Variants in PDSS2 observed in about 807,000 individuals in gnomAD.
PDSS2 encodes decaprenyl diphosphate synthase subunit 2, also known as all trans-polyprenyl-diphosphate synthase PDSS2.
A neutral mutation model predicts 44.5 loss-of-function variants in PDSS2; 31 were observed. That is an observed-to-expected ratio of 0.70 (90% CI 0.52 to 0.94). The LOEUF (loss-of-function observed/expected upper bound fraction) is 0.94. Ranked by LOEUF, PDSS2 falls within the 40% of genes least tolerant of loss-of-function variation. PDSS2 has a pLI of 0.00. For missense variants in PDSS2, 452 were observed against 482.2 expected (o/e 0.94, Z 0.59); for synonymous variants, 157 against 180.3 (o/e 0.87, Z 1.03).
intron 1 of PDSS2, among the ~76,000 whole-genome samples, chr6:107,428,495 C>T (rs1375013680): frequency 6.6e-6 from 1 of 152,134 alleles, no homozygotes; most frequent in African/African-American, 2.4e-5. Flanking sequence ...TTATTGAAGG[C>T]TTTCTGTATC....
At chr6:107,323,080 A>G (rs1355933176) in intron 2 of PDSS2, among the ~76,000 whole-genome samples, 1 of 152,184 alleles carries the variant, frequency 6.6e-6, no homozygotes, top group East Asian at 1.9e-4. Context: ...CTCACCTATC[A>G]TCTTATGTGA....
chr6:107,431,551 C>T (rs1276079260), intron 1 of PDSS2, among the ~76,000 whole-genome samples: 1 of 152,104 alleles, frequency 6.6e-6, no homozygotes, highest in Admixed American at 6.6e-5. Context: ...ACCCAGCCAC[C>T]CGTTATTATT....
chr6:107,154,505 G>A lies in PDSS2; in HGVS notation c.*114C>T. 2.1e-6 allele frequency: 2 copies of A among 949,838 alleles called. No homozygotes were observed. The highest frequency in any genetic ancestry group is 1.4e-5 in the South Asian group (1 of 72,508). The allele number at this position is 949,838 out of a possible 1,614,324, so 58.8% of individuals were successfully genotyped here. ...AACTCATTTAGCAATGTGATAAAAG[G>A]AAGGAAAAATGCATATGTTTTAAAA... is the stretch of plus-strand genomic sequence containing the variant. On this transcript the variant is annotated 3_prime_UTR_variant, in exon 8 of 8. Transcript: ENST00000369037.
chr6:107,184,128 C>T (rs1772083619), intron 7 of PDSS2, among the ~76,000 whole-genome samples: 1 of 152,046 alleles, frequency 6.6e-6, no homozygotes, highest in Admixed American at 6.6e-5. Flanking sequence ...TGTAAAGTCC[C>T]AGGGTAGGAG....
At chr6:107,200,037 G>A (rs1054717238) in intron 6 of PDSS2, among the ~76,000 whole-genome samples, 1 of 152,136 alleles carries the variant, frequency 6.6e-6, no homozygotes, top group African/African-American at 2.4e-5. Context: ...GGACAGAGAA[G>A]AATTAGTGTA....
intron 2 of PDSS2, among the ~76,000 whole-genome samples, chr6:107,302,379 T>A (rs1268961743): frequency 2.0e-5 from 3 of 151,970 alleles, no homozygotes. Context: ...GCTCAAAGGA[T>A]CCTCCCACCT....
chr6:107,334,548 G>A (rs201033908), intron 1 of PDSS2, among the ~76,000 whole-genome samples: 3,568 of 151,396 alleles, frequency 0.024, 160 homozygotes, highest in East Asian at 0.2. Context: ...TGTTGTTGTT[G>A]TTGTTGTTTT....
chr6:107,291,552 G>GGC (rs1243999324), intron 2 of PDSS2, among the ~76,000 whole-genome samples: 4 of 29,078 alleles, frequency 1.4e-4, no homozygotes, highest in Non-Finnish European at 3.9e-4. Flanking sequence ...AAGTAGAGAC[G>GGC]GGGGGGTCTC....
At chr6:107,193,743 T>C (rs1772460572) in intron 7 of PDSS2, 79 bp downstream of exon 7, 3 of 869,708 alleles carry the variant, frequency 3.4e-6, no homozygotes, top group Non-Finnish European at 6.0e-6. Context: ...CATTCTCTTT[T>C]GACCTTTCAA....
chr6:107,327,513 A>C (rs1240973910), intron 2 of PDSS2, among the ~76,000 whole-genome samples: 1 of 152,272 alleles, frequency 6.6e-6, no homozygotes, highest in African/African-American at 2.4e-5. Flanking sequence ...GCTGGGGTGC[A>C]GTGGCACGAA....
chr6:107,173,348 C>T (rs577958886), intron 7 of PDSS2, among the ~76,000 whole-genome samples: 107 of 151,500 alleles, frequency 7.1e-4, no homozygotes, highest in Middle Eastern at 3.4e-3. Flanking sequence ...CCGAGGCGGG[C>T]GGATCACCTG....
chr6:107,164,128 G>A (rs962515379), intron 7 of PDSS2, among the ~76,000 whole-genome samples: 11 of 151,572 alleles, frequency 7.3e-5, no homozygotes, highest in African/African-American at 2.7e-4. Context: ...TTGAGTCACT[G>A]TATTTTAAGA....
At chr6:107,251,145 C>T (rs1260360985) in intron 3 of PDSS2, among the ~76,000 whole-genome samples, 1 of 152,172 alleles carries the variant, frequency 6.6e-6, no homozygotes, top group Non-Finnish European at 1.5e-5. Context: ...TGAGCCACCG[C>T]ACCCGGCCAC....
At chr6:107,294,292 G>A (rs1776439029) in intron 2 of PDSS2, among the ~76,000 whole-genome samples, 1 of 152,110 alleles carries the variant, frequency 6.6e-6, no homozygotes, top group Admixed American at 6.6e-5. Context: ...TGCATGCTCT[G>A]CTACCTAATC....
chr6:107,210,463 A>T lies in PDSS2; in HGVS notation c.984T>A (p.Asp328Glu). 2 of 1,610,130 alleles carry T rather than the reference A, an allele frequency of 1.2e-6. No individual in the cohort carries two copies. Among genetic ancestry groups the T allele is most frequent in the Non-Finnish European group, 1.7e-6 (2 of 1,176,716 alleles). Residue 328 changes from aspartate (D) to glutamate (E), a missense_variant, in exon 6 of 8, where the codon GAT (aspartate) becomes GAA (glutamate). Coordinates refer to ENST00000369037, the MANE Select transcript of PDSS2 (RefSeq NM_020381.4). ...VVLHQEFLGR[D>E]LWIKQIGEAQ... is the part of the protein sequence containing the mutation. ...CCTCTCCGATCTGTTTAATCCACAA[A>T]TCTCTTCCAAGAAATTCCTGATGTA...
chr6:107,383,222 C>T (rs936471684), intron 1 of PDSS2, among the ~76,000 whole-genome samples: 2 of 146,812 alleles, frequency 1.4e-5, no homozygotes, highest in African/African-American at 2.6e-5. Flanking sequence ...TCATTTGAAC[C>T]CAGGAGGCGG....
chr6:107,457,691 T>C (rs754277116), intron 1 of PDSS2, among the ~76,000 whole-genome samples: 7 of 152,146 alleles, frequency 4.6e-5, no homozygotes, highest in Non-Finnish European at 8.8e-5. Flanking sequence ...ATGTTCCTAA[T>C]TGAAGAAGAT....
intron 1 of PDSS2, among the ~76,000 whole-genome samples, chr6:107,455,220 A>G (rs1226778352): frequency 6.7e-6 from 1 of 148,200 alleles, no homozygotes; most frequent in Non-Finnish European, 1.5e-5. Context: ...ACTTTCATCT[A>G]GGATGCCTCT....
At chr6:107,213,752 C>T (rs1400985442) in intron 4 of PDSS2, among the ~76,000 whole-genome samples, 1 of 151,890 alleles carries the variant, frequency 6.6e-6, no homozygotes, top group East Asian at 1.9e-4. Flanking sequence ...GCAAGACTGT[C>T]TCAAAACAAA....
Sources: allele counts gnomAD v4.1 joint callset (sites outside exome capture counted in the v4.1 genomes callset), GRCh38; gene constraint gnomAD v4.1.1; transcripts MANE v1.5; gene names NCBI Gene and HGNC (gene_info 2026-07-23, HGNC 2026-07-21).